GPC6: variants seen among roughly 807,000 people sequenced by gnomAD.
The protein encoded by GPC6 is glypican-6.
GPC6 carries 14 observed loss-of-function variants against 55.2 expected under a neutral mutation model. The ratio of observed to expected loss-of-function variants is 0.25; its 90% confidence interval spans 0.17 to 0.40. The LOEUF is 0.40. GPC6 is among the 10% of genes least tolerant of loss of function. The pLI, the probability that GPC6 is intolerant of heterozygous loss-of-function variation, is 1.00. For missense variants in GPC6, 641 were observed against 708.5 expected, an observed-to-expected ratio of 0.90 and a Z score of 1.08; for synonymous variants, 278 against 259.6, an observed-to-expected ratio of 1.07 and a Z score of -0.68.
chr13:93,993,875 A>C (rs1881421928), intron 3 of GPC6, among the ~76,000 whole-genome samples: 1 of 152,198 alleles, frequency 6.6e-6, no homozygotes, highest in Non-Finnish European at 1.5e-5. Context: ...CACATTGTAC[A>C]AAAAAGTACA....
intron 4 of GPC6, among the ~76,000 whole-genome samples, chr13:94,028,723 G>T (rs1484883457): frequency 6.6e-6 from 1 of 152,184 alleles, no homozygotes; most frequent in East Asian, 1.9e-4. Flanking sequence ...AGGGCAGGAG[G>T]CAGGGAGGTG....
chr13:93,662,175 C>T (rs944131779), intron 2 of GPC6, among the ~76,000 whole-genome samples: 26 of 152,298 alleles, frequency 1.7e-4, no homozygotes, highest in Non-Finnish European at 3.5e-4. Flanking sequence ...GTTTCTCTTC[C>T]TTCCTGCATC....
intron 4 of GPC6, among the ~76,000 whole-genome samples, chr13:94,190,017 T>C (rs1219711054): frequency 7.1e-6 from 1 of 140,006 alleles, no homozygotes; most frequent in South Asian, 2.3e-4. Context: ...CAAGACTCTG[T>C]CTCAAAAAAA....
chr13:94,361,302 G>T (rs530770165), intron 6 of GPC6, among the ~76,000 whole-genome samples: 4 of 152,154 alleles, frequency 2.6e-5, no homozygotes, highest in Non-Finnish European at 4.4e-5. Flanking sequence ...CTGCATAGTT[G>T]CACAAGGCCC....
chr13:93,830,609 GT>G (rs750329951), intron 3 of GPC6, 64 bp downstream of exon 3: 5 of 178,162 alleles, frequency 2.8e-5, no homozygotes, highest in Admixed American at 1.2e-4. Context: ...TAAAACCAAT[GT>G]TTAAAAAAAA....
At chr13:93,481,872 T>C (rs759878531) in intron 1 of GPC6, among the ~76,000 whole-genome samples, 9 of 152,166 alleles carry the variant, frequency 5.9e-5, no homozygotes, top group Non-Finnish European at 8.8e-5. Flanking sequence ...TTTGTTCTTT[T>C]ACAAGATCAT....
chr13:93,951,843 G>T (rs1395099675), intron 3 of GPC6, among the ~76,000 whole-genome samples: 1 of 152,046 alleles, frequency 6.6e-6, no homozygotes, highest in Non-Finnish European at 1.5e-5. Flanking sequence ...GAAGATTCCT[G>T]GAGATCATTA....
chr13:94,379,601 C>G (rs1014234914), intron 6 of GPC6, among the ~76,000 whole-genome samples: 2 of 152,142 alleles, frequency 1.3e-5, no homozygotes, highest in African/African-American at 4.8e-5. Context: ...ACCATACAGT[C>G]TATGACCTTG....
intron 2 of GPC6, among the ~76,000 whole-genome samples, chr13:93,556,614 A>AT (rs1395402159): frequency 2.0e-5 from 3 of 151,870 alleles, no homozygotes; most frequent in African/African-American, 7.3e-5. Flanking sequence ...CTGTTGTGCT[A>AT]TCAAATAATA....
At chr13:94,082,643 C>T (rs1885140273) in intron 4 of GPC6, among the ~76,000 whole-genome samples, 1 of 152,196 alleles carries the variant, frequency 6.6e-6, no homozygotes, top group South Asian at 2.1e-4. Flanking sequence ...GCTCTCCCCT[C>T]TTCTGCCCTA....
chr13:93,288,359 C>A (rs1878205505), intron 1 of GPC6, among the ~76,000 whole-genome samples: 1 of 152,124 alleles, frequency 6.6e-6, no homozygotes, highest in African/African-American at 2.4e-5. Flanking sequence ...TTTAACACAT[C>A]TGTCCAGAGG....
chr13:94,261,861 T>C (rs892480035), intron 4 of GPC6, among the ~76,000 whole-genome samples: 1 of 152,190 alleles, frequency 6.6e-6, no homozygotes, highest in Non-Finnish European at 1.5e-5. Flanking sequence ...TAAGAAATTA[T>C]TGGGAGACAA....
At chr13:94,224,961 C>T (rs1890501578) in intron 4 of GPC6, among the ~76,000 whole-genome samples, 2 of 152,120 alleles carry the variant, frequency 1.3e-5, no homozygotes, top group Non-Finnish European at 2.9e-5. Context: ...CAGAGAAATG[C>T]TTCAGGATCC....
At chr13:93,800,145 G>C (rs983496259) in intron 2 of GPC6, among the ~76,000 whole-genome samples, 2 of 152,108 alleles carry the variant, frequency 1.3e-5, no homozygotes, top group African/African-American at 4.8e-5. Flanking sequence ...TACTAGAAAG[G>C]CCTCTCTTAC....
intron 4 of GPC6, among the ~76,000 whole-genome samples, chr13:94,083,386 G>A (rs921697890): frequency 3.9e-5 from 6 of 152,182 alleles, no homozygotes; most frequent in East Asian, 3.8e-4. Context: ...CCAAAGTGCT[G>A]GGATTACAGG....
At chr13:93,897,162 G>A (rs1418081093) in intron 3 of GPC6, among the ~76,000 whole-genome samples, 3 of 152,000 alleles carry the variant, frequency 2.0e-5, no homozygotes, top group South Asian at 2.1e-4. Context: ...ACCAGAGGCC[G>A]TGAAATGTGG....
At chr13:94,183,992 C>A (rs1164562324) in intron 4 of GPC6, among the ~76,000 whole-genome samples, 1 of 152,106 alleles carries the variant, frequency 6.6e-6, no homozygotes, top group African/African-American at 2.4e-5. Context: ...CAAAAACAAG[C>A]AATGGAGAAA....
intron 1 of GPC6, among the ~76,000 whole-genome samples, chr13:93,346,973 A>C (rs1453563296): frequency 6.6e-6 from 1 of 152,226 alleles, no homozygotes; most frequent in South Asian, 2.1e-4. Context: ...TTGGTCATAC[A>C]TAAATGATAA....
In GPC6 at chr13:94,369,814, T is replaced by C. The variant is rs957996684; in HGVS notation, c.1153-12600T>C. On this transcript the variant is annotated intron_variant, in intron 6 of 8. Coordinates refer to ENST00000377047, the MANE Select transcript of GPC6 (RefSeq NM_005708.5). ...TTGGTGTTTTTTTGTTTTTTGGGGT[T>C]TTTTTTCCCTAAAAGCCTGAATGAA... Among the ~76,000 whole-genome samples the C allele has an allele frequency of 2.6e-5, 4 of 152,244 alleles. No homozygotes were observed. In the South Asian group the frequency reaches 8.3e-4, roughly 32 times the overall value.
Sources: allele counts gnomAD v4.1 joint callset (sites outside exome capture counted in the v4.1 genomes callset), GRCh38; gene constraint gnomAD v4.1.1; transcripts MANE v1.5; gene names NCBI Gene and HGNC (gene_info 2026-07-23, HGNC 2026-07-21).